TTLL11: variants seen among roughly 807,000 people sequenced by gnomAD.
The protein encoded by TTLL11 is tubulin tyrosine ligase like 11, also known as tubulin polyglutamylase TTLL11.
TTLL11 carries 42 observed loss-of-function variants against 51.7 expected under a neutral mutation model. The observed-to-expected ratio is 0.81, with a 90% CI of 0.64 to 1.05. The LOEUF is 1.05. Among genes scored for constraint, TTLL11 ranks in the 50% least tolerant of loss-of-function variants. The pLI is 0.00. For synonymous variants in TTLL11, 381 were observed against 383.5 expected (o/e 0.99, Z 0.08); for missense variants, 799 against 940.4 (o/e 0.85, Z 1.97).
At chr9:121,877,033 G>A (rs1395212189) in intron 6 of TTLL11, among the ~76,000 whole-genome samples, 1 of 152,222 alleles carries the variant, frequency 6.6e-6, no homozygotes. Context: ...TGGGACAAAA[G>A]GGGAGAGAAC....
Position 122,036,707 on chromosome 9 carries a change from C to A in TTLL11, c.559+2565G>T, listed in dbSNP as rs1844713911. On this transcript the variant is annotated intron_variant, in intron 2 of 8. Coordinates refer to ENST00000321582, the MANE Select transcript of TTLL11 (RefSeq NM_001139442.2). ...TGCCTGGGATATCCACTAGAACTTA[C>A]CCTAAGTAATATACAATGTATAGAA... 2.0e-5 allele frequency among the ~76,000 whole-genome samples: 3 copies of A among 151,946 alleles called. No individual in the cohort carries two copies. In the South Asian group the frequency reaches 6.2e-4, roughly 32 times the overall value.
At chr9:121,994,255 C>A (rs938628316) in intron 3 of TTLL11, among the ~76,000 whole-genome samples, 3 of 152,096 alleles carry the variant, frequency 2.0e-5, no homozygotes, top group African/African-American at 7.2e-5. Flanking sequence ...CAGGAGCGGG[C>A]AGGACACTTC....
chr9:121,860,551 G>T, intron 7 of TTLL11, 108 bp from the exon 8 acceptor site: 1 of 871,912 alleles, frequency 1.1e-6, no homozygotes, highest in Non-Finnish European at 1.8e-6. Context: ...AAATCCATAG[G>T]TTGAAATCCT....
At chr9:122,051,993 T>A (rs1425432828) in intron 1 of TTLL11, among the ~76,000 whole-genome samples, 2 of 152,046 alleles carry the variant, frequency 1.3e-5, no homozygotes, top group Non-Finnish European at 2.9e-5. Flanking sequence ...AAGAAAGGAC[T>A]AAGCAACTGC....
At chr9:122,005,573 C>T (rs139432433) in intron 3 of TTLL11, among the ~76,000 whole-genome samples, 100 of 152,316 alleles carry the variant, frequency 6.6e-4, no homozygotes, top group African/African-American at 1.9e-3. Flanking sequence ...TGGCAATGAA[C>T]TCAGGCCACT....
chr9:121,871,620 C>T (rs1838360928), intron 6 of TTLL11, among the ~76,000 whole-genome samples: 1 of 152,198 alleles, frequency 6.6e-6, no homozygotes, highest in African/African-American at 2.4e-5. Flanking sequence ...ACCTGAGTCA[C>T]CTCTTTTTAG....
intron 1 of TTLL11, among the ~76,000 whole-genome samples, chr9:122,061,479 A>G (rs1028068795): frequency 3.9e-5 from 6 of 152,214 alleles, no homozygotes; most frequent in African/African-American, 1.4e-4. Flanking sequence ...GAATTTCTCT[A>G]GAAGTGGAAT....
intron 4 of TTLL11, chr9:121,988,897 T>A (rs886631808): frequency 3.7e-6 from 2 of 546,876 alleles, no homozygotes; most frequent in Admixed American, 7.3e-5. Context: ...AACGAATGAA[T>A]GTAAAACTCT....
intron 6 of TTLL11, among the ~76,000 whole-genome samples, chr9:121,933,255 A>C (rs1841063310): frequency 6.6e-6 from 1 of 152,234 alleles, no homozygotes; most frequent in African/African-American, 2.4e-5. Flanking sequence ...TGGGTACCAT[A>C]GATGCCGGGA....
intron 6 of TTLL11, among the ~76,000 whole-genome samples, chr9:121,949,223 T>C (rs1454755605): frequency 6.6e-6 from 1 of 152,138 alleles, no homozygotes; most frequent in Non-Finnish European, 1.5e-5. Flanking sequence ...ATCCAACCAC[T>C]CAATACATTT....
At chr9:121,967,664 G>A (rs577230177) in intron 6 of TTLL11, among the ~76,000 whole-genome samples, 7 of 152,274 alleles carry the variant, frequency 4.6e-5, no homozygotes, top group Non-Finnish European at 7.4e-5. Flanking sequence ...CGCTTCAAAG[G>A]AAATCTAATG....
At chr9:121,968,628 C>T (rs1174249346) in intron 6 of TTLL11, among the ~76,000 whole-genome samples, 1 of 152,128 alleles carries the variant, frequency 6.6e-6, no homozygotes, top group Non-Finnish European at 1.5e-5. Flanking sequence ...GTGATCTTGG[C>T]TCACTGCAAC....
intron 1 of TTLL11, among the ~76,000 whole-genome samples, chr9:122,052,461 T>A (rs1220284012): frequency 1.3e-5 from 2 of 152,128 alleles, no homozygotes; most frequent in Non-Finnish European, 2.9e-5. Context: ...GTCGACTTGA[T>A]TGGGTTATTA....
intron 6 of TTLL11, among the ~76,000 whole-genome samples, chr9:121,942,339 TG>T (rs1164959176): frequency 4.6e-5 from 7 of 152,244 alleles, no homozygotes. Context: ...GCCGCTTCTC[TG>T]ATCATCCATT....
chr9:121,832,758 G>A (rs960121430), intron 8 of TTLL11, among the ~76,000 whole-genome samples: 1 of 152,122 alleles, frequency 6.6e-6, no homozygotes, highest in African/African-American at 2.4e-5. Flanking sequence ...TGACCAACAC[G>A]GTGAAACCCT....
chr9:121,927,458 A>G (rs925949425), intron 6 of TTLL11, among the ~76,000 whole-genome samples: 11 of 152,212 alleles, frequency 7.2e-5, no homozygotes, highest in African/African-American at 2.7e-4. Context: ...CTGAACTATG[A>G]TCCAGCTTTT....
intron 6 of TTLL11, among the ~76,000 whole-genome samples, chr9:121,944,439 C>T (rs939382040): frequency 1.1e-4 from 16 of 151,532 alleles, no homozygotes; most frequent in African/African-American, 2.7e-4. Context: ...ATCCAGGGGG[C>T]GGAGGTTGCA....
intron 6 of TTLL11, among the ~76,000 whole-genome samples, chr9:121,942,621 T>A (rs1299064932): frequency 6.6e-6 from 1 of 151,754 alleles, no homozygotes; most frequent in African/African-American, 2.4e-5. Context: ...TTTTTCCTAC[T>A]GCCATGGAAT....
chr9:121,915,297 C>T (rs537118542), intron 6 of TTLL11, among the ~76,000 whole-genome samples: 3 of 152,298 alleles, frequency 2.0e-5, no homozygotes, highest in South Asian at 2.1e-4. Context: ...TTAAACCATA[C>T]GAAATAGCAG....
Sources: allele counts gnomAD v4.1 joint callset (sites outside exome capture counted in the v4.1 genomes callset), GRCh38; gene constraint gnomAD v4.1.1; transcripts MANE v1.5; gene names NCBI Gene and HGNC (gene_info 2026-07-23, HGNC 2026-07-21).